The following TMEM108 variants were observed in gnomAD, a reference collection of about 807,000 sequenced individuals.
TMEM108 encodes cancer/testis antigen 124.
A neutral mutation model predicts 35.1 loss-of-function variants in TMEM108; 12 were observed. The ratio of observed to expected loss-of-function variants is 0.34; its 90% CI spans 0.22 to 0.55. The LOEUF is 0.55. Among genes scored for constraint, TMEM108 ranks in the 20% least tolerant of loss-of-function variants. The pLI is 0.89. For synonymous variants in TMEM108, 287 were observed against 308.6 expected, an observed-to-expected ratio of 0.93 and a Z score of 0.73; for missense variants, 680 against 753.3, an observed-to-expected ratio of 0.90 and a Z score of 1.14.
chr3:133,378,803 CTT>C (rs34139600), intron 3 of TMEM108, among the ~76,000 whole-genome samples: 13,118 of 134,278 alleles, frequency 0.098, 1,026 homozygotes, highest in African/African-American at 0.23. Context: ...ATACAAAATC[CTT>C]TTTTTTTTTT....
intron 2 of TMEM108, among the ~76,000 whole-genome samples, chr3:133,177,879 G>C (rs1945261679): frequency 6.6e-6 from 1 of 152,140 alleles, no homozygotes; most frequent in Admixed American, 6.5e-5. Context: ...AATTGTCCCT[G>C]TTTGCAGATG....
chr3:133,335,866 G>A (rs1439201084), intron 3 of TMEM108, among the ~76,000 whole-genome samples: 1 of 152,186 alleles, frequency 6.6e-6, no homozygotes, highest in Non-Finnish European at 1.5e-5. Flanking sequence ...GCCGGGAGCT[G>A]CACGGCACGG....
intron 2 of TMEM108, among the ~76,000 whole-genome samples, chr3:133,143,479 T>C (rs1944668461): frequency 6.6e-6 from 1 of 152,208 alleles, no homozygotes; most frequent in Admixed American, 6.5e-5. Context: ...ATCATTTAAT[T>C]TTATCATAAC....
chr3:133,336,094 G>C (rs1559909653), intron 3 of TMEM108, among the ~76,000 whole-genome samples: 1 of 152,160 alleles, frequency 6.6e-6, no homozygotes, highest in East Asian at 1.9e-4. Flanking sequence ...AGGGCTAAAG[G>C]CCTTTGGGCC....
chr3:133,179,882 T>TA (rs1945305227), intron 2 of TMEM108, among the ~76,000 whole-genome samples: 1 of 127,136 alleles, frequency 7.9e-6, no homozygotes, highest in Non-Finnish European at 1.8e-5. Context: ...ACAAGCCTTA[T>TA]CAAAAAAAAA....
intron 3 of TMEM108, among the ~76,000 whole-genome samples, chr3:133,276,252 A>G (rs1033548959): frequency 7.9e-5 from 12 of 152,336 alleles, no homozygotes; most frequent in African/African-American, 2.9e-4. Context: ...CACCTCTACC[A>G]TGTTAAAAGC....
intron 3 of TMEM108, among the ~76,000 whole-genome samples, chr3:133,314,305 A>C (rs555284358): frequency 2.0e-5 from 3 of 152,218 alleles, no homozygotes; most frequent in Non-Finnish European, 2.9e-5. Context: ...AGTATCTCTC[A>C]TCCAGTTAAT....
intron 3 of TMEM108, among the ~76,000 whole-genome samples, chr3:133,364,307 A>G (rs1051488478): frequency 2.0e-5 from 3 of 152,224 alleles, no homozygotes; most frequent in African/African-American, 7.2e-5. Flanking sequence ...TGTGTGTCCC[A>G]TAGCATAGGC....
chr3:133,086,728 T>C (rs11712701), intron 2 of TMEM108, among the ~76,000 whole-genome samples: 36,331 of 152,114 alleles, frequency 0.24, 4,516 homozygotes, highest in East Asian at 0.31. Context: ...AGAGAAGACA[T>C]TTAATTTGGC....
At chr3:133,149,087 G>T (rs1944761273) in intron 2 of TMEM108, among the ~76,000 whole-genome samples, 1 of 152,116 alleles carries the variant, frequency 6.6e-6, no homozygotes, top group Admixed American at 6.6e-5. Context: ...AGTCAAGCTG[G>T]ACTTCACTAC....
chr3:133,073,200 T>G (rs1943696717), intron 2 of TMEM108, among the ~76,000 whole-genome samples: 1 of 152,160 alleles, frequency 6.6e-6, no homozygotes, highest in African/African-American at 2.4e-5. Flanking sequence ...AATCACGTTG[T>G]TGTATAATAG....
chr3:133,088,504 G>T (rs1943910163), intron 2 of TMEM108, among the ~76,000 whole-genome samples: 1 of 152,160 alleles, frequency 6.6e-6, no homozygotes, highest in African/African-American at 2.4e-5. Flanking sequence ...TGCTACTGGG[G>T]CTGGCTTTTT....
chr3:133,181,980 A>G (rs113958768), intron 2 of TMEM108, among the ~76,000 whole-genome samples: 1,797 of 152,338 alleles, frequency 0.012, 26 homozygotes, highest in Non-Finnish European at 0.019. Context: ...GGAGTCACAG[A>G]TATTTTAAGC....
At chr3:133,360,399 G>A (rs1471563260) in intron 3 of TMEM108, among the ~76,000 whole-genome samples, 1 of 152,110 alleles carries the variant, frequency 6.6e-6, no homozygotes, top group Non-Finnish European at 1.5e-5. Flanking sequence ...TCTTAAAAGG[G>A]AACAATGAAG....
chr3:133,100,151 G>T (rs1380355822), intron 2 of TMEM108, among the ~76,000 whole-genome samples: 2 of 152,172 alleles, frequency 1.3e-5, no homozygotes, highest in African/African-American at 4.8e-5. Context: ...GAAAAATGAG[G>T]AAGCAAAAGG....
intron 3 of TMEM108, among the ~76,000 whole-genome samples, chr3:133,349,858 A>G (rs2071937990): frequency 1.3e-5 from 2 of 152,146 alleles, no homozygotes; most frequent in African/African-American, 4.8e-5. Context: ...TACAGCCATT[A>G]TGGAAAACAG....
intron 2 of TMEM108, among the ~76,000 whole-genome samples, chr3:133,066,271 G>C (rs1943606098): frequency 6.6e-6 from 1 of 151,922 alleles, no homozygotes; most frequent in African/African-American, 2.4e-5. Flanking sequence ...GTGTGTGCCT[G>C]GTTGCACAGT....
In TMEM108 at chr3:133,380,102, G is replaced by A. The variant is rs1446246220; in HGVS notation, c.391G>A (p.Gly131Ser). Residue 131 changes from glycine (G) to serine (S), a missense_variant, in exon 4 of 6, where the codon GGC becomes AGC. Physicochemically the swap from Gly to Ser is moderately conservative, Grantham distance 56. Coordinates refer to ENST00000321871, the MANE Select transcript of TMEM108 (RefSeq NM_023943.4). This position sits in a 1 kb window ranked among gnomAD's most constrained non-coding sequence, Gnocchi z 5.3. ...GGCAACCACATCCTCCAAGCCAGAGGGCCGCCCTCGAGGGCAGGCTGCCCC... is the reference window on the plus strand; with the variant it reads ...GGCAACCACATCCTCCAAGCCAGAGAGCCGCCCTCGAGGGCAGGCTGCCCC... ...AMATTSSKPEGRPRGQAAPTI... is the reference protein window; with the variant it reads ...AMATTSSKPESRPRGQAAPTI... 3 of 1,613,942 alleles carry A rather than the reference G, an allele frequency of 1.9e-6. No homozygotes were observed. In the South Asian group the frequency reaches 3.3e-5, roughly 18 times the overall value.
At chr3:133,348,805 A>G (rs1261049112) in intron 3 of TMEM108, among the ~76,000 whole-genome samples, 1 of 152,218 alleles carries the variant, frequency 6.6e-6, no homozygotes, top group Non-Finnish European at 1.5e-5. Flanking sequence ...CCTGAGTGGC[A>G]CACAACATCC....
Sources: allele counts gnomAD v4.1 joint callset (sites outside exome capture counted in the v4.1 genomes callset), GRCh38; gene constraint gnomAD v4.1.1; non-coding constraint Gnocchi (gnomAD v3.1); transcripts MANE v1.5; gene names NCBI Gene and HGNC (gene_info 2026-07-23, HGNC 2026-07-21).